Variants in WHRN observed in about 807,000 individuals in gnomAD.
WHRN encodes the protein whirlin, also known as CASK-interacting protein CIP98.
A neutral mutation model predicts 68.3 loss-of-function variants in WHRN; 41 were observed. The observed-to-expected ratio is 0.60, with a 90% CI of 0.47 to 0.78. The LOEUF (loss-of-function observed/expected upper bound fraction) is 0.78. Ranked by LOEUF, WHRN falls within the 30% of genes least tolerant of loss-of-function variation. The pLI, the probability that WHRN is intolerant of heterozygous loss-of-function variation, is 0.00. For synonymous variants in WHRN, 560 were observed against 561.3 expected (o/e 1.00, Z 0.03); for missense variants, 1,243 against 1,244.7 (o/e 1.00, Z 0.02).
chr9:114,444,636 G>A (rs1388923585), intron 3 of WHRN, among the ~76,000 whole-genome samples: 1 of 151,922 alleles, frequency 6.6e-6, no homozygotes, highest in Non-Finnish European at 1.5e-5. Context: ...CATTTTCTCA[G>A]GGATTCTCTT....
At chr9:114,462,411 C>T (rs909072623) in intron 3 of WHRN, among the ~76,000 whole-genome samples, 5 of 152,162 alleles carry the variant, frequency 3.3e-5, no homozygotes, top group Non-Finnish European at 7.3e-5. Flanking sequence ...GATCATCTAG[C>T]CCAAGTGTCC....
intron 3 of WHRN, among the ~76,000 whole-genome samples, chr9:114,448,161 G>C (rs560963031): frequency 6.6e-6 from 1 of 152,294 alleles, no homozygotes; most frequent in Admixed American, 6.5e-5. Context: ...ATCTCAAAAA[G>C]AGATCATCTT....
chr9:114,406,975 A>G (rs1835085585), intron 8 of WHRN, 83 bp from the exon 9 acceptor site: 3 of 1,491,024 alleles, frequency 2.0e-6, no homozygotes, highest in South Asian at 1.2e-5. Context: ...GAGTGGTGCC[A>G]GGCCCAGCTG....
chr9:114,494,903 C>T (rs1843315444), intron 1 of WHRN, among the ~76,000 whole-genome samples: 1 of 149,380 alleles, frequency 6.7e-6, no homozygotes, highest in African/African-American at 2.5e-5. Context: ...TGTGTCATGA[C>T]AGAAGTGAGA....
At chr9:114,484,496 C>T (rs1304609359) in intron 1 of WHRN, among the ~76,000 whole-genome samples, 3 of 152,208 alleles carry the variant, frequency 2.0e-5, no homozygotes, top group African/African-American at 2.4e-5. Context: ...TAGCACAATG[C>T]CTATCACTGA....
rs76672589 is a variant in WHRN, at chr9:114,416,482, T to C, written c.1626+6832A>G. ...GATTTCCCTTTTGCTGTTCTCGTGA[T>C]AGTGAGTAAGTTCTCATGTGATCTG... On this transcript the variant is annotated intron_variant, in intron 7 of 11. Coordinates refer to ENST00000362057, the MANE Select transcript of WHRN (RefSeq NM_015404.4). Among the ~76,000 whole-genome samples the C allele has an allele frequency of 3.2e-3, 486 of 152,324 alleles. 1 individual carries two copies. The highest frequency in any genetic ancestry group is 0.011 in the African/African-American group (471 of 41,574).
Position 114,504,782 on chromosome 9 carries a change from C to A in WHRN, c.20G>T (p.Gly7Val). 2 of 1,473,328 alleles carry A rather than the reference C, an allele frequency of 1.4e-6. No individual in the cohort carries two copies. The highest frequency in any genetic ancestry group is 2.7e-5 in the South Asian group (2 of 74,170). The allele number at this position is 1,473,328 out of a possible 1,614,324, so 91.3% of individuals were successfully genotyped here. A position where few individuals can be genotyped will look rare whatever the true frequency, so the allele number is the denominator to read the frequency against. The change falls in exon 1 of 12, where the codon GGC becomes GTC. Residue 7 changes from glycine (G) to valine (V), a missense_variant. By Grantham distance (109) the Gly-to-Val change is moderately radical. Transcript: ENST00000362057. ...GGTGGAGGACGAGCTCACCGACAGGCCGTCCAGCGGCGCGTTCATCTCCAC... is the reference window on the plus strand; with the variant it reads ...GGTGGAGGACGAGCTCACCGACAGGACGTCCAGCGGCGCGTTCATCTCCAC... MNAPLD[G>V]LSVSSSSTGS...
intron 1 of WHRN, among the ~76,000 whole-genome samples, chr9:114,495,729 G>A (rs1843400337): frequency 6.6e-6 from 1 of 152,142 alleles, no homozygotes; most frequent in South Asian, 2.1e-4. Context: ...CAGGAGGAGA[G>A]GGGCTCAAGA....
At chr9:114,425,382 C>T (rs937600190) in intron 4 of WHRN, 21 of 575,170 alleles carry the variant, frequency 3.7e-5, no homozygotes, top group African/African-American at 1.5e-4. Flanking sequence ...GCTTAGGGGC[C>T]GGTGAACTGG....
At position 114,479,837 on chromosome 9, in the gene WHRN, C is replaced by A. The variant is rs1225101486; in HGVS notation, c.619-1066G>T. ...CAGCACTTTGGGAGGCTGAGGCAGG[C>A]AGAGCACCTGAGACCAGGAGTTCAA... is the stretch of plus-strand genomic sequence containing the variant. On this transcript the variant is annotated intron_variant, in intron 1 of 11. Transcript: ENST00000362057. Among the ~76,000 whole-genome samples, 6 of 152,000 alleles carry A rather than the reference C, an allele frequency of 3.9e-5. No homozygotes were observed. The East Asian group carries it at 5.8e-4, about 15-fold the overall frequency.
chr9:114,416,954 C>T (rs536048181), intron 7 of WHRN, among the ~76,000 whole-genome samples: 31 of 152,328 alleles, frequency 2.0e-4, no homozygotes, highest in Middle Eastern at 3.4e-3. Flanking sequence ...CTGGTAGGAT[C>T]CCAGAATCTG....
At chr9:114,497,785 C>A (rs147108901) in intron 1 of WHRN, among the ~76,000 whole-genome samples, 2 of 152,236 alleles carry the variant, frequency 1.3e-5, no homozygotes, top group East Asian at 3.9e-4. Context: ...CAGGCACAGA[C>A]CACATTTTTT....
intron 3 of WHRN, among the ~76,000 whole-genome samples, chr9:114,438,876 T>C (rs942920086): frequency 7.2e-5 from 11 of 152,156 alleles, no homozygotes; most frequent in Admixed American, 7.2e-4. Flanking sequence ...AACCTAAATG[T>C]CCATACAGAG....
intron 7 of WHRN, among the ~76,000 whole-genome samples, chr9:114,420,749 A>G (rs1836211948): frequency 6.6e-6 from 1 of 152,040 alleles, no homozygotes; most frequent in South Asian, 2.1e-4. Context: ...GCTGGGTCCA[A>G]AAGAACCGAG....
chr9:114,503,183 A>C (rs1844081342), intron 1 of WHRN: 1 of 985,456 alleles, frequency 1.0e-6, no homozygotes, highest in Admixed American at 6.1e-5. Context: ...CCCAGCAGCC[A>C]GCAGGCCCTC....
chr9:114,413,718 C>G (rs2132265482), intron 7 of WHRN, among the ~76,000 whole-genome samples: 1 of 152,294 alleles, frequency 6.6e-6, no homozygotes, highest in East Asian at 1.9e-4. Flanking sequence ...AACACTGGGC[C>G]AGCACTGTGC....
intron 1 of WHRN, among the ~76,000 whole-genome samples, chr9:114,486,981 A>ATATATATATATATATAT (rs1842590828): frequency 3.0e-4 from 1 of 3,326 alleles, no homozygotes; most frequent in African/African-American, 3.8e-4. Context: ...ATATATATAT[A>ATATATATATATATATAT]TATATATATA....
At chr9:114,478,360 T>C in intron 2 of WHRN, 193 bp downstream of exon 2, 1 of 725,114 alleles carries the variant, frequency 1.4e-6, no homozygotes, top group Admixed American at 2.0e-5. Flanking sequence ...GCTTAGCCTG[T>C]ATTATAACAT....
At chr9:114,500,377 T>C (rs558660473) in intron 1 of WHRN, among the ~76,000 whole-genome samples, 3 of 152,300 alleles carry the variant, frequency 2.0e-5, no homozygotes, top group Non-Finnish European at 2.9e-5. Flanking sequence ...CAGCTAACCA[T>C]GCACAATGGG....
Sources: gnomAD v4.1 joint callset for allele counts (sites outside exome capture counted in the v4.1 genomes callset) on GRCh38, gnomAD v4.1.1 for gene constraint, MANE v1.5 for transcripts, NCBI Gene and HGNC (gene_info 2026-07-23, HGNC 2026-07-21) for gene names.